FHOD3: variants seen among roughly 807,000 people sequenced by gnomAD.
FHOD3 encodes the protein formin homology 2 domain containing 3.
A neutral mutation model predicts 173.0 loss-of-function variants in FHOD3; 90 were observed. The ratio of observed to expected loss-of-function variants is 0.52; its 90% CI spans 0.44 to 0.62. The LOEUF (loss-of-function observed/expected upper bound fraction) is 0.62. FHOD3 is among the 20% of genes least tolerant of loss of function. FHOD3 has a pLI of 0.00. For synonymous variants in FHOD3, 828 were observed against 823.0 expected (o/e 1.01, Z -0.10); for missense variants, 1,945 against 2,034.7 (o/e 0.96, Z 0.85).
intron 10 of FHOD3, among the ~76,000 whole-genome samples, chr18:36,638,301 G>T (rs1220328041): frequency 1.3e-5 from 2 of 152,146 alleles, no homozygotes; most frequent in African/African-American, 4.8e-5. Context: ...AAAGGGGCTT[G>T]GTATATCTGG....
intron 14 of FHOD3, among the ~76,000 whole-genome samples, chr18:36,667,627 A>T (rs1047808753): frequency 2.0e-5 from 3 of 152,158 alleles, no homozygotes; most frequent in Non-Finnish European, 2.9e-5. Flanking sequence ...TGGTAAAAAT[A>T]CAGTATTAAA....
At chr18:36,762,160 C>CA (rs2150290502) in intron 27 of FHOD3, among the ~76,000 whole-genome samples, 1 of 152,172 alleles carries the variant, frequency 6.6e-6, no homozygotes, top group East Asian at 1.9e-4. Context: ...CTTAAATATA[C>CA]AAAAATAACG....
chr18:36,735,075 A>G (rs1389331064), intron 20 of FHOD3, among the ~76,000 whole-genome samples: 1 of 152,198 alleles, frequency 6.6e-6, no homozygotes, highest in Non-Finnish European at 1.5e-5. Context: ...AAATGGAAGT[A>G]TGACGATTTT....
intron 1 of FHOD3, among the ~76,000 whole-genome samples, chr18:36,307,817 T>C (rs12962805): frequency 0.33 from 50,890 of 152,100 alleles, 9,384 homozygotes; most frequent in East Asian, 0.56. Context: ...ATGGATACAT[T>C]TGGAGACTAC....
At chr18:36,361,004 C>A (rs571785193) in intron 2 of FHOD3, among the ~76,000 whole-genome samples, 26 of 152,138 alleles carry the variant, frequency 1.7e-4, no homozygotes, top group South Asian at 4.2e-4. Context: ...AACGAAACCC[C>A]CATGTTAAGA....
intron 3 of FHOD3, among the ~76,000 whole-genome samples, chr18:36,493,154 A>G (rs796533308): frequency 6.6e-6 from 1 of 151,726 alleles, no homozygotes; most frequent in Non-Finnish European, 1.5e-5. Context: ...GTTTCTGGGC[A>G]TCCATATCCC....
intron 6 of FHOD3, among the ~76,000 whole-genome samples, chr18:36,592,298 A>T (rs2059246233): frequency 6.6e-6 from 1 of 152,228 alleles, no homozygotes; most frequent in Admixed American, 6.5e-5. Context: ...GGCATTTTCT[A>T]TAATGAGAAT....
intron 3 of FHOD3, among the ~76,000 whole-genome samples, chr18:36,482,858 C>CACACACAGAGAGAGAG (rs1400178557): frequency 3.8e-5 from 5 of 130,374 alleles, no homozygotes; most frequent in African/African-American, 1.2e-4. Context: ...CACACACACA[C>CACACACAGAGAGAGAG]AGAGAGAGAG....
intron 3 of FHOD3, among the ~76,000 whole-genome samples, chr18:36,488,608 A>G (rs2054307877): frequency 6.6e-6 from 1 of 152,238 alleles, no homozygotes; most frequent in Non-Finnish European, 1.5e-5. Flanking sequence ...CTGGAGAGAG[A>G]AAGAAAAGTA....
intron 6 of FHOD3, among the ~76,000 whole-genome samples, chr18:36,577,976 T>A (rs1355514943): frequency 6.6e-6 from 1 of 152,156 alleles, no homozygotes; most frequent in East Asian, 1.9e-4. Context: ...TGCACCAAGG[T>A]TAAAGTGCTG....
At chr18:36,741,494 G>A (rs746627523) in intron 21 of FHOD3, among the ~76,000 whole-genome samples, 2 of 152,200 alleles carry the variant, frequency 1.3e-5, no homozygotes, top group Non-Finnish European at 2.9e-5. Flanking sequence ...GGTGAGCCAG[G>A]TGCAGTGGCT....
chr18:36,350,488 C>T (rs1386060879), intron 1 of FHOD3, among the ~76,000 whole-genome samples: 1 of 152,196 alleles, frequency 6.6e-6, no homozygotes, highest in African/African-American at 2.4e-5. Flanking sequence ...CCTGAAGTGC[C>T]TGGCAATGTC....
At chr18:36,478,720 G>A (rs2053722192) in intron 3 of FHOD3, among the ~76,000 whole-genome samples, 1 of 152,068 alleles carries the variant, frequency 6.6e-6, no homozygotes, top group South Asian at 2.1e-4. Context: ...AAACTGCTTG[G>A]TGGCTTTCGG....
intron 10 of FHOD3, among the ~76,000 whole-genome samples, chr18:36,640,347 A>G (rs1415472110): frequency 6.6e-6 from 1 of 152,214 alleles, no homozygotes; most frequent in African/African-American, 2.4e-5. Context: ...TCACTGATTC[A>G]AGTTGGCCAG....
chr18:36,444,151 C>T (rs979278754), intron 3 of FHOD3, among the ~76,000 whole-genome samples: 2 of 150,594 alleles, frequency 1.3e-5, no homozygotes, highest in African/African-American at 4.9e-5. Context: ...CGAGATCATG[C>T]CCCTGCCCTC....
chr18:36,362,203 AC>A (rs963927577), intron 2 of FHOD3, among the ~76,000 whole-genome samples: 2 of 151,792 alleles, frequency 1.3e-5, no homozygotes, highest in Non-Finnish European at 2.9e-5. Context: ...ATCAGATGTA[AC>A]CCCCTGGGGG....
intron 1 of FHOD3, among the ~76,000 whole-genome samples, chr18:36,333,202 A>G (rs1217631384): frequency 2.0e-5 from 3 of 152,324 alleles, no homozygotes; most frequent in South Asian, 2.1e-4. Flanking sequence ...ACTGGGAGAT[A>G]TGACTTTCTA....
At chr18:36,648,913 G>A (rs78853627) in intron 10 of FHOD3, among the ~76,000 whole-genome samples, 1,839 of 152,322 alleles carry the variant, frequency 0.012, 43 homozygotes, top group East Asian at 0.12. Flanking sequence ...TCTGGTTGCT[G>A]CAGCAGCTGG....
chr18:36,435,502 A>C (rs918271985), intron 3 of FHOD3, among the ~76,000 whole-genome samples: 1 of 152,172 alleles, frequency 6.6e-6, no homozygotes, highest in Non-Finnish European at 1.5e-5. Context: ...GTTTGCTAAG[A>C]ATAAAAAGCC....
Sources: gnomAD v4.1 joint callset for allele counts (sites outside exome capture counted in the v4.1 genomes callset) on GRCh38, gnomAD v4.1.1 for gene constraint, MANE v1.5 for transcripts, NCBI Gene and HGNC (gene_info 2026-07-23, HGNC 2026-07-21) for gene names.